DIDO1: variants seen among roughly 807,000 people sequenced by gnomAD.
DIDO1 encodes death-inducer obliterator 1.
A neutral mutation model predicts 99.4 loss-of-function variants in DIDO1; 16 were observed. The observed-to-expected ratio is 0.16, with a 90% CI of 0.11 to 0.24. The LOEUF is 0.24. DIDO1 is among the 10% of genes least tolerant of loss of function. The pLI is 1.00. For synonymous variants in DIDO1, 1,366 were observed against 1,239.1 expected (o/e 1.10, Z -2.15); for missense variants, 2,996 against 3,014.0 (o/e 0.99, Z 0.14).
intron 15 of DIDO1, chr20:62,888,172 G>A (rs2064327068): frequency 2.0e-6 from 2 of 985,508 alleles, no homozygotes; most frequent in Non-Finnish European, 2.4e-6. Flanking sequence ...GCACTGAGGG[G>A]GCTAGGACTG....
At position 62,891,006 on chromosome 20, in the gene DIDO1, G is replaced by A. The variant is rs749107622; in HGVS notation, c.3495C>T (p.Ser1165=). ...HVKDLYLIPL[S]AQDPVPSKLL... ...GTTTGGATGGAACAGGGTCCTGGGC[G>A]CTCAGCGGGATCAGGTAGAGGTCCT... Residue 1165 remains serine, a synonymous_variant, in exon 15 of 16, where the codon AGC becomes AGT. Transcript: ENST00000395343. The A allele has an allele frequency of 6.8e-6, 11 of 1,614,030 alleles. No individual in the cohort carries two copies. Among genetic ancestry groups the A allele is most frequent in the South Asian group, 4.4e-5 (4 of 91,088 alleles).
At position 62,894,968 on chromosome 20, in the gene DIDO1, A is replaced by G. The variant is rs2064486278; in HGVS notation, c.2332-54T>C. The G allele has an allele frequency of 8.1e-6, 13 of 1,601,572 alleles. No individual in the cohort carries two copies. The highest frequency in any genetic ancestry group is 1.1e-5 in the Non-Finnish European group (13 of 1,170,228). ...AGGCCTTGTTTTCTAGGAGGAAAGC[A>G]TCGCTTATGCAGCCGTCTATGAATT... On this transcript the variant is annotated intron_variant, in intron 9 of 15. Coordinates refer to ENST00000395343, the MANE Select transcript of DIDO1 (RefSeq NM_001193369.2). The surrounding 1 kb of genome is among the most constrained non-coding windows in gnomAD (Gnocchi z 4.4).
Position 62,878,915 on chromosome 20 carries a change from G to GGT in DIDO1, c.*317_*318insAC. The GGT allele has an allele frequency of 4.2e-6, 1 of 239,866 alleles. No individual in the cohort carries two copies. The highest frequency in any genetic ancestry group is 7.9e-6 in the Non-Finnish European group (1 of 126,324). 14.9% of individuals were successfully genotyped at this position (239,866 alleles called of 1,614,324 possible). A position where few individuals can be genotyped will look rare whatever the true frequency, so the allele number is the denominator to read the frequency against. ...AGATGTCAGTGAAGGTATGGCTCTA[G>GGT]GGTCCAACGAAACTCCCTTAAAATT... On this transcript the variant is annotated 3_prime_UTR_variant, in exon 16 of 16. Coordinates refer to ENST00000395343, the MANE Select transcript of DIDO1 (RefSeq NM_001193369.2).
In DIDO1 at chr20:62,879,765, T is replaced by C; in HGVS notation, c.6191A>G (p.Gln2064Arg). 1 of 1,611,648 alleles carries C rather than the reference T, an allele frequency of 6.2e-7. No homozygotes were observed. ...CTCTCGGAAGTCGGCCGATGCCCAC[T>C]GTCCGTCGGCCTCGGGGCCCTGTCC... The part of the protein sequence containing the change: ...APGQGPEADG[Q>R]WASADFREGK... Residue 2064 changes from glutamine to arginine, a missense_variant, in exon 16 of 16, where the codon CAG (glutamine) becomes CGG (arginine). Physicochemically the swap from Gln to Arg is conservative, Grantham distance 43. This residue lies in a region of DIDO1 where 1,562 missense variants were observed against 1,412.6 expected (regional missense o/e 1.11). Coordinates refer to ENST00000395343, the MANE Select transcript of DIDO1 (RefSeq NM_001193369.2). The surrounding 1 kb of genome is among the most constrained non-coding windows in gnomAD (Gnocchi z 6.3).
At chr20:62,899,140 CCA>C (rs1265249108) in intron 6 of DIDO1, among the ~76,000 whole-genome samples, 2 of 152,340 alleles carry the variant, frequency 1.3e-5, no homozygotes, top group African/African-American at 4.8e-5. Flanking sequence ...GCCCCGGTCT[CCA>C]GAGGCGGCAG....
upstream of DIDO1, among the ~76,000 whole-genome samples, chr20:62,930,932 A>C (rs570316572): frequency 6.6e-6 from 1 of 152,296 alleles, no homozygotes; most frequent in Admixed American, 6.5e-5. Flanking sequence ...AGAAAGAATG[A>C]GCTGCAGTTT....
Position 62,912,640 on chromosome 20 carries a change from C to T in DIDO1, c.-2-1026G>A, listed in dbSNP as rs570210133. Among the ~76,000 whole-genome samples the T allele has an allele frequency of 4.6e-5, 7 of 152,250 alleles. No individual in the cohort carries two copies. In the South Asian group the frequency reaches 1.5e-3, roughly 32 times the overall value. On this transcript the variant is annotated intron_variant, in intron 2 of 15. Coordinates refer to ENST00000395343, the MANE Select transcript of DIDO1 (RefSeq NM_001193369.2). ...CTTTGAGAATTCTTTTCCAAGCTGT[C>T]CAAGCTTTAATTACATTTCAATGCT...
rs554992661 is a variant in DIDO1, at chr20:62,911,905, C to G, written c.-2-291G>C. ...TCAGGACAAGGCTTCACAAGCCAGA[C>G]AGTAGGGACAAATAGGAAATATTGG... On this transcript the variant is annotated intron_variant, in intron 2 of 15. Coordinates refer to ENST00000395343, the MANE Select transcript of DIDO1 (RefSeq NM_001193369.2). This position sits in a 1 kb window ranked among gnomAD's most constrained non-coding sequence, Gnocchi z 7.0. 5.3e-5 allele frequency among the ~76,000 whole-genome samples: 8 copies of G among 152,342 alleles called. No homozygotes were observed. Among genetic ancestry groups the G allele is most frequent in the Non-Finnish European group, 8.8e-5 (6 of 68,030 alleles).
At chr20:62,885,195 T>A (rs2064278070) in intron 15 of DIDO1, among the ~76,000 whole-genome samples, 1 of 152,206 alleles carries the variant, frequency 6.6e-6, no homozygotes, top group Non-Finnish European at 1.5e-5. Context: ...CCAGGCCCTC[T>A]GCCTGCAGAA....
In DIDO1 at chr20:62,880,925, G is replaced by C. The variant is rs199633295; in HGVS notation, c.5031C>G (p.Asp1677Glu). 1 of 1,609,820 alleles carries C rather than the reference G, an allele frequency of 6.2e-7. No homozygotes were observed. Among genetic ancestry groups the C allele is most frequent in the Non-Finnish European group, 8.5e-7 (1 of 1,179,860 alleles). Residue 1677 changes from aspartate (D) to glutamate (E), a missense_variant, in exon 16 of 16, where the codon GAC becomes GAG. By Grantham distance (45) the Asp-to-Glu change is conservative (BLOSUM62 2). Transcript: ENST00000395343. ...GGCAGGTGAAAGGGTCCCTCTCACC[G>C]TCGTGCTGCAGCGGGAAGCCGGGCT... ...ALQPGFPLQH[D>E]GERDPFTCPG...
intron 15 of DIDO1, among the ~76,000 whole-genome samples, chr20:62,886,035 C>T (rs186629875): frequency 2.0e-5 from 3 of 152,326 alleles, no homozygotes; most frequent in East Asian, 1.9e-4. Context: ...GAGAGTGCCC[C>T]GGGAAGGTGC....
intron 1 of DIDO1, among the ~76,000 whole-genome samples, chr20:62,920,887 T>C (rs1254499095): frequency 2.0e-5 from 3 of 152,322 alleles, no homozygotes; most frequent in South Asian, 2.1e-4. Flanking sequence ...TAATATATAA[T>C]GGTTTACAAT....
Position 62,894,646 on chromosome 20 carries a change from C to T in DIDO1, c.2437-98G>A. 2.0e-6 allele frequency: 3 copies of T among 1,494,250 alleles called. No homozygotes were observed. Among genetic ancestry groups the T allele is most frequent in the South Asian group, 2.5e-5 (2 of 79,942 alleles). 92.6% of individuals were successfully genotyped at this position (1,494,250 alleles called of 1,614,324 possible). On this transcript the variant is annotated intron_variant, in intron 10 of 15. Transcript: ENST00000395343. The surrounding 1 kb of genome is among the most constrained non-coding windows in gnomAD (Gnocchi z 4.4). ...AAAAGCAGTCTCATGGGATTGAGAC[C>T]CACGGGGGAGAAAAAAGGACCATCT...
chr20:62,924,280 A>G (rs2065212272), intron 1 of DIDO1, among the ~76,000 whole-genome samples: 1 of 151,828 alleles, frequency 6.6e-6, no homozygotes, highest in East Asian at 1.9e-4. Flanking sequence ...AGCCTGCCAG[A>G]GAGATGAGAC....
At position 62,880,026 on chromosome 20, in the gene DIDO1, C is replaced by G. The variant is rs1283550270; in HGVS notation, c.5930G>C (p.Arg1977Thr). Residue 1977 changes from arginine (R) to threonine (T), a missense_variant, in exon 16 of 16, where the codon AGA becomes ACA. Transcript: ENST00000395343. ...TGCAGGCGCCCTTTGGTTTGTGAATCTTGGTGGTGAATGGACCCTCTGGTC... is the reference window on the plus strand; with the variant it reads ...TGCAGGCGCCCTTTGGTTTGTGAATGTTGGTGGTGAATGGACCCTCTGGTC... The part of the protein sequence containing the change: ...FEDQRVHSPP[R>T]FTNQRAPAPL... The G allele has an allele frequency of 6.2e-7, 1 of 1,611,538 alleles. No homozygotes were observed. The highest frequency in any genetic ancestry group is 8.5e-7 in the Non-Finnish European group (1 of 1,180,000).
At chr20:62,895,714 C>G (rs996675233) in intron 8 of DIDO1, among the ~76,000 whole-genome samples, 1 of 152,228 alleles carries the variant, frequency 6.6e-6, no homozygotes, top group African/African-American at 2.4e-5. Context: ...AGTTTCTGTC[C>G]TCGTCGCATG....
chr20:62,930,534 A>C (rs1184873751), upstream of DIDO1, among the ~76,000 whole-genome samples: 1 of 152,266 alleles, frequency 6.6e-6, no homozygotes, highest in Non-Finnish European at 1.5e-5. Context: ...TACACGTTCT[A>C]TGCGGCATAT....
intron 6 of DIDO1, among the ~76,000 whole-genome samples, chr20:62,898,501 T>C (rs1367805625): frequency 6.6e-6 from 1 of 152,266 alleles, no homozygotes; most frequent in Non-Finnish European, 1.5e-5. Context: ...TTAACAGATA[T>C]TCGCCCCGAC....
chr20:62,933,019 C>T (rs1282405588), intron 1 of DIDO1, among the ~76,000 whole-genome samples: 1 of 152,198 alleles, frequency 6.6e-6, no homozygotes, highest in East Asian at 1.9e-4. Context: ...TCGAGACCAG[C>T]CTGACCAACA....
Sources: gnomAD v4.1 joint callset for allele counts (sites outside exome capture counted in the v4.1 genomes callset) on GRCh38, gnomAD v4.1.1 for gene constraint, gnomAD v4.1.1 regional missense constraint, Gnocchi (gnomAD v3.1) non-coding constraint, MANE v1.5 for transcripts, NCBI Gene and HGNC (gene_info 2026-07-23, HGNC 2026-07-21) for gene names.